The following CCSER2 variants were observed in gnomAD, a reference collection of about 807,000 sequenced individuals.
The protein encoded by CCSER2 is serine-rich coiled-coil domain-containing protein 2.
In CCSER2, 46 loss-of-function variants were observed where a neutral mutation model predicts 92.3. That is an observed-to-expected ratio of 0.50 (90% confidence interval 0.39 to 0.64). CCSER2 has a LOEUF of 0.64. CCSER2 is among the 30% of genes least tolerant of loss of function. The probability of loss-of-function intolerance (pLI) is 0.00; values close to 1 mark genes in which losing one functional copy is unlikely to be tolerated. For synonymous variants in CCSER2, 433 were observed against 431.4 expected, an observed-to-expected ratio of 1.00 and a Z score of -0.04; for missense variants, 1,244 against 1,238.9, an observed-to-expected ratio of 1.00 and a Z score of -0.06.
chr10:84,441,991 T>C (rs573924201), intron 6 of CCSER2, among the ~76,000 whole-genome samples: 1 of 151,996 alleles, frequency 6.6e-6, no homozygotes, highest in East Asian at 1.9e-4. Context: ...CTCCTGACCT[T>C]GTGATCTGCC....
rs1033492539 is a variant in CCSER2, at chr10:84,369,100, A to G, written c.-39-1914A>G. On this transcript the variant is annotated intron_variant, in intron 1 of 9. Transcript: ENST00000372088. ...TGATGGGTACTTAGGTTGGTTCCAC[A>G]TCTGGCAATTGTGAATTTTGCTGTG... Among the ~76,000 whole-genome samples the G allele has an allele frequency of 1.3e-4, 19 of 149,402 alleles. No homozygotes were observed. The South Asian group carries it at 2.1e-3, about 16-fold the overall frequency.
chr10:84,362,155 G>T (rs1306848422), intron 1 of CCSER2, among the ~76,000 whole-genome samples: 3 of 152,098 alleles, frequency 2.0e-5, no homozygotes, highest in Non-Finnish European at 2.9e-5. Flanking sequence ...TCTTCCTGAT[G>T]CTGGATCTCC....
intron 5 of CCSER2, among the ~76,000 whole-genome samples, chr10:84,434,944 A>G (rs1589654499): frequency 6.6e-6 from 1 of 152,184 alleles, no homozygotes; most frequent in African/African-American, 2.4e-5. Flanking sequence ...AGGGCTTACA[A>G]TCCAATTAGA....
At chr10:84,489,753 T>C (rs1269405705) in intron 9 of CCSER2, among the ~76,000 whole-genome samples, 2 of 152,182 alleles carry the variant, frequency 1.3e-5, no homozygotes, top group Non-Finnish European at 2.9e-5. Context: ...AAGGTTAATA[T>C]TGTTATGTGT....
Position 84,499,767 on chromosome 10 carries a change from A to T in CCSER2, c.2326-13682A>T, listed in dbSNP as rs1848625742. 3 of 982,762 alleles carry T rather than the reference A, an allele frequency of 3.1e-6. No individual in the cohort carries two copies. In the South Asian group the frequency reaches 5.3e-5, roughly 17 times the overall value. The allele number at this position is 982,762 out of a possible 1,614,324, so 60.9% of individuals were successfully genotyped here. Reference sequence around the variant, plus strand: ...AAAAATGAAATCTGTCTTCTCGTTAACACTATTGCTCTGTGTTATTTAAAA... The same window carrying T: ...AAAAATGAAATCTGTCTTCTCGTTATCACTATTGCTCTGTGTTATTTAAAA... On this transcript the variant is annotated intron_variant, in intron 9 of 9. Transcript: ENST00000372088.
chr10:84,425,729 A>G lies in CCSER2; in HGVS notation c.1706-2A>G. ...TAGTCTTTTGCTTTTGAATCTGTCT[A>G]GTGGAGTGTGACAATATGAACCGCT... On this transcript the variant is annotated splice_acceptor_variant, in intron 4 of 9. Transcript: ENST00000372088. LOFTEE classifies it high-confidence loss of function. The G allele has an allele frequency of 6.2e-7, 1 of 1,607,440 alleles. No homozygotes were observed. The highest frequency in any genetic ancestry group is 8.5e-7 in the Non-Finnish European group (1 of 1,176,098).
intron 1 of CCSER2, among the ~76,000 whole-genome samples, chr10:84,340,812 A>G (rs1844134935): frequency 6.6e-6 from 1 of 151,966 alleles, no homozygotes; most frequent in African/African-American, 2.4e-5. Flanking sequence ...TCTACATCTG[A>G]TGAGTTACTG....
intron 3 of CCSER2, among the ~76,000 whole-genome samples, chr10:84,393,394 A>G (rs754404673): frequency 5.9e-5 from 9 of 152,260 alleles, no homozygotes; most frequent in Non-Finnish European, 8.8e-5. Flanking sequence ...ACATAAAGAC[A>G]ATTGTAGAAG....
intron 1 of CCSER2, among the ~76,000 whole-genome samples, chr10:84,342,987 T>C (rs1270226781): frequency 5.3e-5 from 8 of 152,186 alleles, no homozygotes; most frequent in South Asian, 4.1e-4. Context: ...ATTCTCCTGC[T>C]TCAGCCTCCC....
At position 84,371,548 on chromosome 10, in the gene CCSER2, A is replaced by G. The variant is rs1250279038; in HGVS notation, c.496A>G (p.Ile166Val). The change falls in exon 2 of 10, where the codon ATC becomes GTC. Residue 166 changes from isoleucine (I) to valine (V), a missense_variant. Ile to Val is a conservative substitution (Grantham distance 29). Coordinates refer to ENST00000372088, the MANE Select transcript of CCSER2 (RefSeq NM_001284240.2). ...ATTAGGAAGGACTTCATATTCTTCG[A>G]TCAATACTCCAAAATCACAGTTGAA... ...TLLGRTSYSS[I>V]NTPKSQLNGF... 6.2e-7 allele frequency: 1 copy of G among 1,613,724 alleles called. No homozygotes were observed. Among genetic ancestry groups the G allele is most frequent in the Non-Finnish European group, 8.5e-7 (1 of 1,179,848 alleles).
rs540330718 is a variant in CCSER2 at position 84,512,468 on chromosome 10, T to C, written c.2326-981T>C. Among the ~76,000 whole-genome samples the C allele has an allele frequency of 1.1e-4, 16 of 148,032 alleles. No homozygotes were observed. In the South Asian group the frequency reaches 3.4e-3, roughly 31 times the overall value. ...TACCCCTGTATCAGGACAGGCCCAG[T>C]TGGCCCTGCCCATATATTTTAACTA... is the stretch of plus-strand genomic sequence containing the variant. On this transcript the variant is annotated intron_variant, in intron 9 of 9. Coordinates refer to ENST00000372088, the MANE Select transcript of CCSER2 (RefSeq NM_001284240.2).
chr10:84,369,979 T>G (rs765464718), intron 1 of CCSER2, among the ~76,000 whole-genome samples: 1 of 152,134 alleles, frequency 6.6e-6, no homozygotes, highest in Non-Finnish European at 1.5e-5. Flanking sequence ...TATTTCTGGG[T>G]TCTCTACTCT....
At chr10:84,395,510 A>T (rs754610783) in intron 3 of CCSER2, among the ~76,000 whole-genome samples, 1 of 152,104 alleles carries the variant, frequency 6.6e-6, no homozygotes, top group Non-Finnish European at 1.5e-5. Flanking sequence ...TCCCGTGGTG[A>T]TTATAAGTAT....
chr10:84,411,383 C>T (rs1446284245), intron 3 of CCSER2, among the ~76,000 whole-genome samples: 1 of 152,080 alleles, frequency 6.6e-6, no homozygotes. Context: ...TCTATAAATT[C>T]GTTTCGGCAG....
chr10:84,436,086 T>G lies in CCSER2; in HGVS notation c.1869-2426T>G, dbSNP rs1435356447. Among the ~76,000 whole-genome samples the G allele has an allele frequency of 8.6e-5, 13 of 152,044 alleles. No individual in the cohort carries two copies. In the East Asian group the frequency reaches 2.3e-3, roughly 27 times the overall value. ...GGCCGACGCCTGTAATCCCACCACT[T>G]TGGGAGGGCGAGGCGGGCGAATCAC... is the stretch of plus-strand genomic sequence containing the variant. On this transcript the variant is annotated intron_variant, in intron 5 of 9. Coordinates refer to ENST00000372088, the MANE Select transcript of CCSER2 (RefSeq NM_001284240.2).
At chr10:84,383,070 G>T (rs893287713) in intron 3 of CCSER2, among the ~76,000 whole-genome samples, 1 of 152,150 alleles carries the variant, frequency 6.6e-6, no homozygotes, top group Admixed American at 6.5e-5. Context: ...CAGTGTTTGC[G>T]TGGGTATATG....
At chr10:84,390,802 T>G in intron 3 of CCSER2, 1 of 487,272 alleles carries the variant, frequency 2.1e-6, no homozygotes, top group Non-Finnish European at 3.8e-6. Context: ...AATACATGGA[T>G]TATTTGAAGG....
chr10:84,426,006 C>A, intron 5 of CCSER2, 113 bp downstream of exon 5: 1 of 580,840 alleles, frequency 1.7e-6, no homozygotes. Flanking sequence ...TTTTTAGAGG[C>A]ACCAAAAAGC....
At chr10:84,463,081 GCTGT>G (rs1846196462) in intron 6 of CCSER2, among the ~76,000 whole-genome samples, 2 of 152,120 alleles carry the variant, frequency 1.3e-5, no homozygotes, top group African/African-American at 4.8e-5. Context: ...TTTTCTTGAG[GCTGT>G]CTTTCTGAAC....
Sources: gnomAD v4.1 joint callset for allele counts (sites outside exome capture counted in the v4.1 genomes callset) on GRCh38, gnomAD v4.1.1 for gene constraint, MANE v1.5 for transcripts, NCBI Gene and HGNC (gene_info 2026-07-23, HGNC 2026-07-21) for gene names.